Variants in PCDH15 observed in about 807,000 individuals in gnomAD.
The protein encoded by PCDH15 is protocadherin related 15, also known as protocadherin-15.
In PCDH15, 129 loss-of-function variants were observed where a neutral mutation model predicts 178.5. The observed-to-expected ratio is 0.72, with a 90% CI of 0.63 to 0.84. The LOEUF (loss-of-function observed/expected upper bound fraction) is 0.84, where lower values mean the gene tolerates loss of function less well. Ranked by LOEUF, PCDH15 falls within the 40% of genes least tolerant of loss-of-function variation. The pLI is 0.00. For missense variants in PCDH15, 2,230 were observed against 2,099.9 expected, an observed-to-expected ratio of 1.06 and a Z score of -1.21; for synonymous variants, 800 against 732.0, an observed-to-expected ratio of 1.09 and a Z score of -1.50.
intron 2 of PCDH15, among the ~76,000 whole-genome samples, chr10:55,608,666 G>T (rs1843287541): frequency 6.6e-6 from 1 of 151,884 alleles, no homozygotes; most frequent in Non-Finnish European, 1.5e-5. Flanking sequence ...CTTTAATCAG[G>T]TGCTGCAGCC....
chr10:55,119,494 A>G (rs1019246244), intron 2 of PCDH15, among the ~76,000 whole-genome samples: 1 of 124,724 alleles, frequency 8.0e-6, no homozygotes, highest in Admixed American at 7.6e-5. Context: ...CTTATCATTC[A>G]TACAAAAAAA....
intron 2 of PCDH15, among the ~76,000 whole-genome samples, chr10:55,071,944 G>C (rs1243023359): frequency 1.2e-4 from 19 of 152,006 alleles, no homozygotes; most frequent in African/African-American, 3.9e-4. Context: ...TTAAGAAACT[G>C]ACTTAAAACC....
chr10:54,264,216 G>A (rs2057520546), intron 8 of PCDH15, among the ~76,000 whole-genome samples: 1 of 152,046 alleles, frequency 6.6e-6, no homozygotes, highest in Admixed American at 6.6e-5. Context: ...CCCTTCAAAT[G>A]TACATCTATC....
At chr10:55,556,408 T>C (rs1842091955) in intron 2 of PCDH15, among the ~76,000 whole-genome samples, 1 of 152,312 alleles carries the variant, frequency 6.6e-6, no homozygotes, top group African/African-American at 2.4e-5. Context: ...CTCTTCAAGA[T>C]GCTTATGCCA....
chr10:54,330,089 A>G (rs1939127984), intron 6 of PCDH15, among the ~76,000 whole-genome samples: 1 of 151,900 alleles, frequency 6.6e-6, no homozygotes, highest in South Asian at 2.1e-4. Context: ...GAAATCTGTT[A>G]TTTCTACATA....
chr10:55,599,068 A>G (rs1268152008), intron 2 of PCDH15, among the ~76,000 whole-genome samples: 1 of 152,192 alleles, frequency 6.6e-6, no homozygotes, highest in Non-Finnish European at 1.5e-5. Flanking sequence ...CCGTAAGGGA[A>G]CAATGAAAGA....
chr10:53,914,201 T>G (rs2083363043), intron 25 of PCDH15, among the ~76,000 whole-genome samples: 1 of 152,214 alleles, frequency 6.6e-6, no homozygotes, highest in Non-Finnish European at 1.5e-5. Flanking sequence ...TGGAAGACAG[T>G]GTGGTGATTC....
intron 2 of PCDH15, 86 bp downstream of exon 2, chr10:54,664,086 T>C (rs746978992): frequency 6.8e-5 from 67 of 989,482 alleles, no homozygotes; most frequent in Non-Finnish European, 9.8e-5. Flanking sequence ...AACTACAAAT[T>C]AGCATTATTC....
At chr10:55,007,907 T>C (rs1189175203) in intron 2 of PCDH15, among the ~76,000 whole-genome samples, 2 of 152,164 alleles carry the variant, frequency 1.3e-5, no homozygotes, top group Admixed American at 1.3e-4. Context: ...CTGCATACTA[T>C]ACATGAAATT....
At chr10:53,855,227 G>T (rs916855786) in intron 28 of PCDH15, among the ~76,000 whole-genome samples, 14 of 151,900 alleles carry the variant, frequency 9.2e-5, no homozygotes, top group Non-Finnish European at 2.1e-4. Context: ...ATGCTTTGTA[G>T]AAAAATAAAC....
chr10:55,587,715 C>A (rs72788850), intron 2 of PCDH15, among the ~76,000 whole-genome samples: 6,141 of 152,128 alleles, frequency 0.04, 197 homozygotes, highest in Middle Eastern at 0.089. Flanking sequence ...TAATTTAGAT[C>A]CATCTACTTT....
At chr10:55,459,401 T>A (rs1268032007) in intron 2 of PCDH15, among the ~76,000 whole-genome samples, 1 of 152,046 alleles carries the variant, frequency 6.6e-6, no homozygotes, top group African/African-American at 2.4e-5. Flanking sequence ...AGTAAATGAT[T>A]GAAAAGAGAT....
At chr10:54,938,607 A>G (rs1285259941) in intron 2 of PCDH15, among the ~76,000 whole-genome samples, 1 of 152,146 alleles carries the variant, frequency 6.6e-6, no homozygotes, top group Non-Finnish European at 1.5e-5. Context: ...CTCTTTACTC[A>G]TTATAGATTG....
intron 26 of PCDH15, among the ~76,000 whole-genome samples, chr10:53,877,704 G>C (rs74137215): frequency 6.6e-6 from 1 of 151,882 alleles, no homozygotes; most frequent in Non-Finnish European, 1.5e-5. Flanking sequence ...GCATAGGAAG[G>C]GCAACACCAT....
At chr10:53,943,501 C>CA (rs67069528) in intron 23 of PCDH15, among the ~76,000 whole-genome samples, 15,375 of 150,244 alleles carry the variant, frequency 0.1, 851 homozygotes, top group African/African-American at 0.14. Flanking sequence ...AACAAACAAA[C>CA]AAAAAAAACA....
At position 54,622,696 on chromosome 10, in the gene PCDH15, TATTTTC is replaced by T. The variant is rs567269501; in HGVS notation, c.91+41470_91+41475del. 2.9e-4 allele frequency among the ~76,000 whole-genome samples: 27 copies of T among 92,958 alleles called. 2 individuals are homozygous for T. The highest frequency in any genetic ancestry group is 1.1e-3 in the African/African-American group (24 of 21,288). 61.0% of individuals were successfully genotyped at this position (92,958 alleles called of 152,430 possible). A position where few individuals can be genotyped will look rare whatever the true frequency, so the allele number is the denominator to read the frequency against. On this transcript the variant is annotated intron_variant, in intron 2 of 37. Coordinates refer to ENST00000644397, the MANE Select transcript of PCDH15 (RefSeq NM_001384140.1). ...TATATAATATATATTATATAATATATATTTTCTATATATTATATATAATATATATTA... is the reference window on the plus strand; with the variant it reads ...TATATAATATATATTATATAATATATTATATATTATATATAATATATATTA...
chr10:54,341,329 C>T (rs1200618321), intron 6 of PCDH15, among the ~76,000 whole-genome samples: 1 of 152,120 alleles, frequency 6.6e-6, no homozygotes, highest in Non-Finnish European at 1.5e-5. Context: ...AGTGAGTTCT[C>T]ACGAGATCTG....
intron 3 of PCDH15, among the ~76,000 whole-genome samples, chr10:54,864,991 G>C (rs1362729150): frequency 2.6e-5 from 4 of 152,144 alleles, no homozygotes; most frequent in African/African-American, 7.2e-5. Flanking sequence ...AGCCATCATA[G>C]AGGCTGTGTT....
intron 2 of PCDH15, among the ~76,000 whole-genome samples, chr10:55,050,183 AT>A (rs1268477486): frequency 2.0e-5 from 3 of 152,020 alleles, no homozygotes; most frequent in African/African-American, 7.2e-5. Flanking sequence ...ATAGAAAAAA[AT>A]ATAACAGTTT....
Sources: gnomAD v4.1 joint callset for allele counts (sites outside exome capture counted in the v4.1 genomes callset) on GRCh38, gnomAD v4.1.1 for gene constraint, MANE v1.5 for transcripts, NCBI Gene and HGNC (gene_info 2026-07-23, HGNC 2026-07-21) for gene names.